Variants in LINGO2 observed in about 807,000 individuals in gnomAD.
The protein encoded by LINGO2 is leucine-rich repeat and immunoglobulin-like domain-containing nogo receptor-interacting protein 2.
In LINGO2, 14 loss-of-function variants were observed where a neutral mutation model predicts 30.6. The observed-to-expected ratio is 0.46, with a 90% CI of 0.30 to 0.72. The LOEUF is 0.72. Ranked by LOEUF, LINGO2 falls within the 30% of genes least tolerant of loss-of-function variation. The pLI is 0.07. For missense variants in LINGO2, 729 were observed against 751.7 expected (o/e 0.97, Z 0.35); for synonymous variants, 317 against 288.5 (o/e 1.10, Z -1.00).
chr9:29,200,439 A>G, the LINGO2 span, among the ~76,000 whole-genome samples: 13 of 152,138 alleles, frequency 8.5e-5, no homozygotes, highest in Non-Finnish European at 1.6e-4. Flanking sequence ...GTATCAAAGA[A>G]GAAAATCGGA....
At chr9:28,151,095 A>G (rs1827986931) in intron 4 of LINGO2, among the ~76,000 whole-genome samples, 1 of 152,246 alleles carries the variant, frequency 6.6e-6, no homozygotes, top group African/African-American at 2.4e-5. Context: ...AATACTCGAG[A>G]GAAAACTGTA....
chr9:28,845,116 T>C, the LINGO2 span, among the ~76,000 whole-genome samples: 1 of 151,880 alleles, frequency 6.6e-6, no homozygotes, highest in Non-Finnish European at 1.5e-5. Context: ...ATTACACTTC[T>C]TTAATGCCCT....
the LINGO2 span, among the ~76,000 whole-genome samples, chr9:29,193,147 A>G: frequency 6.6e-6 from 1 of 152,190 alleles, no homozygotes; most frequent in Non-Finnish European, 1.5e-5. Flanking sequence ...CCTTGCCCTC[A>G]TTATTTACAT....
chr9:28,279,334 G>T (rs565658704), intron 4 of LINGO2, among the ~76,000 whole-genome samples: 47 of 152,282 alleles, frequency 3.1e-4, no homozygotes, highest in African/African-American at 1.1e-3. Context: ...TCTATTGTGG[G>T]TAAAATGCTA....
At chr9:29,059,419 AT>A in the LINGO2 span, among the ~76,000 whole-genome samples, 1 of 150,178 alleles carries the variant, frequency 6.7e-6, no homozygotes, top group African/African-American at 2.4e-5. Context: ...AAATTAAAAA[AT>A]AAATAAATAA....
At chr9:28,878,688 G>A in the LINGO2 span, among the ~76,000 whole-genome samples, 19 of 151,964 alleles carry the variant, frequency 1.3e-4, no homozygotes, top group South Asian at 2.1e-4. Flanking sequence ...TTCAATATAC[G>A]CAAATCAATA....
intron 4 of LINGO2, among the ~76,000 whole-genome samples, chr9:28,118,964 A>C (rs1419099982): frequency 6.6e-6 from 1 of 152,212 alleles, no homozygotes; most frequent in East Asian, 1.9e-4. Flanking sequence ...CTTGGAAATT[A>C]ATTGTATAAT....
chr9:29,141,472 G>GA, the LINGO2 span, among the ~76,000 whole-genome samples: 1 of 151,358 alleles, frequency 6.6e-6, no homozygotes, highest in Non-Finnish European at 1.5e-5. Flanking sequence ...ATAACAAAAT[G>GA]AAAAGAAAGA....
At chr9:28,322,343 A>G (rs919372326) in intron 3 of LINGO2, among the ~76,000 whole-genome samples, 1 of 152,122 alleles carries the variant, frequency 6.6e-6, no homozygotes, top group African/African-American at 2.4e-5. Flanking sequence ...TTCCACTTAA[A>G]AAATATTACC....
At chr9:29,045,899 T>C in the LINGO2 span, among the ~76,000 whole-genome samples, 2 of 152,184 alleles carry the variant, frequency 1.3e-5, no homozygotes, top group African/African-American at 2.4e-5. Flanking sequence ...ATTCTTCTTG[T>C]GTCAATTGTG....
chr9:28,741,571 G>A, the LINGO2 span, among the ~76,000 whole-genome samples: 42 of 152,066 alleles, frequency 2.8e-4, 1 homozygote, highest in Admixed American at 1.4e-3. Context: ...GAGGTTGTGG[G>A]GGCGCTGGTC....
In LINGO2 at chr9:28,653,920, T is replaced by C. The variant is rs150178287; in HGVS notation, c.-365+16280A>G. 8.0e-3 allele frequency among the ~76,000 whole-genome samples: 1,224 copies of C among 152,238 alleles called. 15 individuals are homozygous for C. Among genetic ancestry groups the C allele is most frequent in the African/African-American group, 0.028 (1,166 of 41,552 alleles). On this transcript the variant is annotated intron_variant, in intron 1 of 5. Transcript: ENST00000379992. ...TAGTATTTTAAAACAATCTATGTATTATAAAACAACATTATAGCTATAATA... is the reference window on the plus strand; with the variant it reads ...TAGTATTTTAAAACAATCTATGTATCATAAAACAACATTATAGCTATAATA...
At chr9:28,708,044 C>T in the LINGO2 span, among the ~76,000 whole-genome samples, 1 of 152,146 alleles carries the variant, frequency 6.6e-6, no homozygotes, top group East Asian at 1.9e-4. Flanking sequence ...ATTTTTTTAA[C>T]TTCCTCTATT....
chr9:29,210,863 T>C, the LINGO2 span, among the ~76,000 whole-genome samples: 1 of 151,634 alleles, frequency 6.6e-6, no homozygotes, highest in Admixed American at 6.6e-5. Flanking sequence ...AGGAAGTACA[T>C]TTTTTTTTCT....
chr9:29,184,149 A>AT, the LINGO2 span, among the ~76,000 whole-genome samples: 9 of 152,170 alleles, frequency 5.9e-5, no homozygotes, highest in Non-Finnish European at 1.3e-4. Context: ...CTCTGCTGTC[A>AT]TAAAAACTGT....
chr9:28,088,447 A>G (rs1375834472), intron 4 of LINGO2, among the ~76,000 whole-genome samples: 1 of 151,994 alleles, frequency 6.6e-6, no homozygotes, highest in Non-Finnish European at 1.5e-5. Context: ...TCCTTTGCAA[A>G]CACCATAGTA....
At position 28,293,134 on chromosome 9, in the gene LINGO2, G is replaced by C. The variant is rs375289049; in HGVS notation, c.-87+2074C>G. 2.3e-4 allele frequency among the ~76,000 whole-genome samples: 35 copies of C among 152,014 alleles called. 1 individual carries two copies. The East Asian group carries it at 5.2e-3, about 23-fold the overall frequency. On this transcript the variant is annotated intron_variant, in intron 4 of 5. Transcript: ENST00000379992. The stretch of plus-strand genomic sequence containing the variant: ...TTTTTTATAGACAGGATCTCACCCT[G>C]TCACCCAGGCTGGAATGCAGTAGTG...
chr9:28,691,989 T>C, the LINGO2 span, among the ~76,000 whole-genome samples: 1 of 152,196 alleles, frequency 6.6e-6, no homozygotes, highest in African/African-American at 2.4e-5. Context: ...AGATGAAATC[T>C]AATCTCATCC....
At chr9:28,606,106 C>A (rs1825683197) in intron 1 of LINGO2, among the ~76,000 whole-genome samples, 1 of 151,938 alleles carries the variant, frequency 6.6e-6, no homozygotes, top group African/African-American at 2.4e-5. Flanking sequence ...AACCCAGGAT[C>A]CCTTTGTGAC....
Sources: gnomAD v4.1 joint callset for allele counts (sites outside exome capture counted in the v4.1 genomes callset) on GRCh38, gnomAD v4.1.1 for gene constraint, MANE v1.5 for transcripts, NCBI Gene and HGNC (gene_info 2026-07-23, HGNC 2026-07-21) for gene names.